The following TRHDE variants were observed in gnomAD, a reference collection of about 807,000 sequenced individuals.
The protein encoded by TRHDE is thyrotropin-releasing hormone-degrading ectoenzyme.
TRHDE carries 72 observed loss-of-function variants against 125.7 expected under a neutral mutation model. That is an observed-to-expected ratio of 0.57 (90% confidence interval 0.47 to 0.70). TRHDE has a LOEUF of 0.70. Ranked by LOEUF, TRHDE falls within the 30% of genes least tolerant of loss-of-function variation. The pLI is 0.00. For synonymous variants in TRHDE, 509 were observed against 509.1 expected (o/e 1.00, Z 0.00); for missense variants, 1,110 against 1,327.1 (o/e 0.84, Z 2.54).
At chr12:72,302,832 T>C (rs911728022) in intron 2 of TRHDE, among the ~76,000 whole-genome samples, 5 of 152,176 alleles carry the variant, frequency 3.3e-5, no homozygotes, top group Non-Finnish European at 7.4e-5. Flanking sequence ...ACAGGGTTTC[T>C]CAAGCTCAAG....
chr12:72,449,932 T>A (rs1286971019), intron 3 of TRHDE, among the ~76,000 whole-genome samples: 1 of 152,022 alleles, frequency 6.6e-6, no homozygotes, highest in Admixed American at 6.6e-5. Flanking sequence ...GGATTCACAA[T>A]CTTGGTTAAT....
rs1441115274 is a variant in TRHDE at position 72,662,818 on chromosome 12, GT to G, written c.3067-226del. Among the ~76,000 whole-genome samples the G allele has an allele frequency of 5.9e-5, 9 of 151,686 alleles. No homozygotes were observed. The South Asian group carries it at 1.7e-3, about 28-fold the overall frequency. ...AGCTATTTAAGTTGTAATGTCCACT[GT>G]TTTTTTTCTGTTCCAAAATCAATTA... is the stretch of plus-strand genomic sequence containing the variant. On this transcript the variant is annotated intron_variant, in intron 18 of 18. Transcript: ENST00000261180.
At chr12:72,450,276 A>G (rs1875507387) in intron 3 of TRHDE, among the ~76,000 whole-genome samples, 1 of 152,054 alleles carries the variant, frequency 6.6e-6, no homozygotes, top group African/African-American at 2.4e-5. Flanking sequence ...TCCCATCTAA[A>G]GCAGTGATTT....
chr12:72,134,864 A>G (rs938511891), intron 2 of TRHDE, among the ~76,000 whole-genome samples: 1 of 152,192 alleles, frequency 6.6e-6, no homozygotes, highest in Non-Finnish European at 1.5e-5. Context: ...ATAATTCCAG[A>G]TAAACAAATG....
intron 6 of TRHDE, among the ~76,000 whole-genome samples, chr12:72,512,415 T>G (rs1048039625): frequency 1.7e-5 from 2 of 114,858 alleles, no homozygotes; most frequent in Admixed American, 9.6e-5. Flanking sequence ...TAATTATAAC[T>G]ATATAATATA....
intron 6 of TRHDE, among the ~76,000 whole-genome samples, chr12:72,516,905 T>C (rs1471123645): frequency 2.0e-5 from 3 of 151,688 alleles, no homozygotes; most frequent in South Asian, 2.1e-4. Flanking sequence ...GAGATAATCA[T>C]GTGGTTTTTG....
chr12:72,468,834 G>T (rs1343364857), intron 3 of TRHDE, among the ~76,000 whole-genome samples: 3 of 152,182 alleles, frequency 2.0e-5, no homozygotes, highest in African/African-American at 7.2e-5. Context: ...TTGCATTTCT[G>T]TACCATTTCT....
chr12:72,502,246 G>A (rs1169111822), intron 6 of TRHDE, among the ~76,000 whole-genome samples: 4 of 151,738 alleles, frequency 2.6e-5, no homozygotes, highest in African/African-American at 9.7e-5. Flanking sequence ...AGAAGCTGAG[G>A]TCATTAACTT....
intron 6 of TRHDE, among the ~76,000 whole-genome samples, chr12:72,510,520 T>C (rs1592499763): frequency 6.6e-6 from 1 of 152,216 alleles, no homozygotes; most frequent in East Asian, 1.9e-4. Context: ...AGTTTAATGA[T>C]GTGCTCCAGC....
intron 15 of TRHDE, among the ~76,000 whole-genome samples, chr12:72,643,881 TA>T (rs1417072036): frequency 2.0e-5 from 3 of 152,106 alleles, no homozygotes; most frequent in African/African-American, 7.2e-5. Context: ...AAAAAGTAAT[TA>T]AAAAAAGTTA....
At chr12:72,210,264 C>T (rs893325876) in intron 2 of TRHDE, among the ~76,000 whole-genome samples, 1 of 151,942 alleles carries the variant, frequency 6.6e-6, no homozygotes, top group African/African-American at 2.4e-5. Flanking sequence ...TAGCATATGA[C>T]ATTAAAAGTT....
chr12:72,510,841 T>C (rs1307997202), intron 6 of TRHDE, among the ~76,000 whole-genome samples: 2 of 151,914 alleles, frequency 1.3e-5, no homozygotes, highest in Non-Finnish European at 2.9e-5. Context: ...GAAAGAGAGA[T>C]TGATTTTGGA....
At chr12:72,614,330 A>ATATATATTTT (rs531067163) in intron 12 of TRHDE, among the ~76,000 whole-genome samples, 21 of 129,840 alleles carry the variant, frequency 1.6e-4, no homozygotes, top group African/African-American at 3.7e-4. Context: ...ATATATATAT[A>ATATATATTTT]TTTTTTTTTT....
chr12:72,405,509 C>A (rs1234166149), intron 3 of TRHDE, among the ~76,000 whole-genome samples: 2 of 152,054 alleles, frequency 1.3e-5, no homozygotes, highest in East Asian at 3.9e-4. Flanking sequence ...TATACTTTTC[C>A]CCAGAGCCAC....
At chr12:72,215,770 A>C (rs1877876185) in intron 2 of TRHDE, among the ~76,000 whole-genome samples, 1 of 152,192 alleles carries the variant, frequency 6.6e-6, no homozygotes, top group Non-Finnish European at 1.5e-5. Context: ...GGATGGCGGC[A>C]GTGACACCTG....
chr12:72,299,670 T>C (rs1022953030), intron 2 of TRHDE, among the ~76,000 whole-genome samples: 5 of 152,208 alleles, frequency 3.3e-5, no homozygotes, highest in Non-Finnish European at 5.9e-5. Flanking sequence ...GACTTTGAGT[T>C]ACAGAGAGAG....
At chr12:72,396,328 C>A (rs1872787773) in intron 3 of TRHDE, among the ~76,000 whole-genome samples, 1 of 152,124 alleles carries the variant, frequency 6.6e-6, no homozygotes, top group African/African-American at 2.4e-5. Flanking sequence ...ATCCTTTGAG[C>A]TCTCTTTAAT....
At chr12:72,346,844 G>T (rs1870349438) in intron 2 of TRHDE, among the ~76,000 whole-genome samples, 1 of 152,098 alleles carries the variant, frequency 6.6e-6, no homozygotes, top group Non-Finnish European at 1.5e-5. Flanking sequence ...TTGTCCCACA[G>T]TTTTGGTGGC....
At chr12:72,545,475 G>A (rs1283336708) in intron 7 of TRHDE, among the ~76,000 whole-genome samples, 1 of 151,398 alleles carries the variant, frequency 6.6e-6, no homozygotes, top group East Asian at 1.9e-4. Flanking sequence ...TTACTTTAAT[G>A]CAGTTTACTA....
Sources: allele counts gnomAD v4.1 joint callset (sites outside exome capture counted in the v4.1 genomes callset), GRCh38; gene constraint gnomAD v4.1.1; transcripts MANE v1.5; gene names NCBI Gene and HGNC (gene_info 2026-07-23, HGNC 2026-07-21).